Variants in CBFA2T3 observed in about 807,000 individuals in gnomAD.
CBFA2T3 encodes the protein CBFA2/RUNX1 partner transcriptional co-repressor 3.
A neutral mutation model predicts 58.6 loss-of-function variants in CBFA2T3; 31 were observed. The observed-to-expected ratio is 0.53, with a 90% CI of 0.40 to 0.71. The LOEUF is 0.71. CBFA2T3 is among the 30% of genes least tolerant of loss of function. The pLI, the probability that CBFA2T3 is intolerant of heterozygous loss-of-function variation, is 0.00. For synonymous variants in CBFA2T3, 531 were observed against 421.9 expected, an observed-to-expected ratio of 1.26 and a Z score of -3.17; for missense variants, 1,076 against 963.1, an observed-to-expected ratio of 1.12 and a Z score of -1.55.
chr16:88,890,779 T>C (rs734970), intron 5 of CBFA2T3, among the ~76,000 whole-genome samples: 40,439 of 152,058 alleles, frequency 0.27, 5,961 homozygotes, highest in East Asian at 0.55. Context: ...TGCAGTGGCG[T>C]GATCACAGCT....
chr16:88,877,089 G>A lies in CBFA2T3; in HGVS notation c.1849C>T (p.Leu617=). The part of the protein sequence containing the change: ...VPGPPEAAHS[L]GPSLPVGAAS... Reference sequence around the variant, plus strand: ...GCACCCACAGGCAGGGAGGGGCCCAGGCTGTGGGCGGCTTCGGGCGGTCCA... The same window carrying A: ...GCACCCACAGGCAGGGAGGGGCCCAAGCTGTGGGCGGCTTCGGGCGGTCCA... The change falls in exon 12 of 12, where the codon CTG becomes TTG. Residue 617 remains leucine, a synonymous_variant. Coordinates refer to ENST00000268679, the MANE Select transcript of CBFA2T3 (RefSeq NM_005187.6). 6.5e-7 allele frequency: 1 copy of A among 1,541,496 alleles called. No homozygotes were observed.
chr16:88,897,226 C>T (rs997131291), intron 3 of CBFA2T3, among the ~76,000 whole-genome samples: 9 of 152,252 alleles, frequency 5.9e-5, no homozygotes, highest in African/African-American at 1.9e-4. Flanking sequence ...GCACGCCAGG[C>T]GCGAGTGCGT....
In CBFA2T3 at chr16:88,891,980, G is replaced by T. The variant is rs769019573; in HGVS notation, c.622-9C>A. On this transcript the variant is annotated splice_polypyrimidine_tract_variant and intron_variant, in intron 4 of 11. Transcript: ENST00000268679. ...ATCGTCAATGTCGAGTTCTGCAGGG[G>T]AGAAAACCCACCTCACATCAGCACC... is the stretch of plus-strand genomic sequence containing the variant. The T allele has an allele frequency of 6.2e-7, 1 of 1,609,218 alleles. No individual in the cohort carries two copies. Among genetic ancestry groups the T allele is most frequent in the Non-Finnish European group, 8.5e-7 (1 of 1,176,612 alleles).
intron 1 of CBFA2T3, among the ~76,000 whole-genome samples, chr16:88,957,242 C>T (rs1035749783): frequency 8.5e-5 from 13 of 152,352 alleles, no homozygotes; most frequent in African/African-American, 2.9e-4. Flanking sequence ...TCTAACCTCA[C>T]AGTCTGGACA....
intron 1 of CBFA2T3, among the ~76,000 whole-genome samples, chr16:88,921,394 G>A (rs1386086480): frequency 6.6e-6 from 1 of 152,248 alleles, no homozygotes; most frequent in African/African-American, 2.4e-5. Context: ...CCCCAGCTTG[G>A]CAGGATCGGA....
intron 1 of CBFA2T3, among the ~76,000 whole-genome samples, chr16:88,955,935 C>G (rs1052557513): frequency 3.3e-5 from 5 of 149,844 alleles, no homozygotes. Context: ...GGCTCCTGAC[C>G]CCGCCCAAGG....
At chr16:88,905,120 C>G (rs1970256586) in intron 1 of CBFA2T3, among the ~76,000 whole-genome samples, 1 of 151,854 alleles carries the variant, frequency 6.6e-6, no homozygotes, top group Non-Finnish European at 1.5e-5. Context: ...GTGGAGGGAC[C>G]TGGGAAGGAG....
chr16:88,910,125 G>C (rs1970482500), intron 1 of CBFA2T3, among the ~76,000 whole-genome samples: 1 of 152,252 alleles, frequency 6.6e-6, no homozygotes, highest in African/African-American at 2.4e-5. Context: ...ACACCCGCCT[G>C]TGCTGTGCCT....
At chr16:88,884,777 A>G in intron 7 of CBFA2T3, 1 of 389,096 alleles carries the variant, frequency 2.6e-6, no homozygotes, top group Non-Finnish European at 4.6e-6. Flanking sequence ...GACTGTGGGA[A>G]TCGCCAAGCT....
intron 1 of CBFA2T3, among the ~76,000 whole-genome samples, chr16:88,948,897 G>A (rs1206913436): frequency 6.6e-6 from 1 of 152,198 alleles, no homozygotes; most frequent in Non-Finnish European, 1.5e-5. Flanking sequence ...GAAGTGTCCC[G>A]TAGGAAAAGC....
intron 2 of CBFA2T3, among the ~76,000 whole-genome samples, chr16:88,900,836 G>A (rs1234363731): frequency 6.6e-6 from 1 of 152,264 alleles, no homozygotes; most frequent in East Asian, 1.9e-4. Context: ...CTGCCCCACA[G>A]CCTCCCAGGG....
rs764181048 is a variant in CBFA2T3 at position 88,976,811 on chromosome 16, G to T, written c.-4C>A. 1 of 1,550,138 alleles carries T rather than the reference G, an allele frequency of 6.5e-7. No homozygotes were observed. Among genetic ancestry groups the T allele is most frequent in the Non-Finnish European group, 8.7e-7 (1 of 1,145,334 alleles). On this transcript the variant is annotated 5_prime_UTR_variant, in exon 1 of 12. Coordinates refer to ENST00000268679, the MANE Select transcript of CBFA2T3 (RefSeq NM_005187.6). ...CCCTCAGTCTTGAAGCCGGCATGAGGAGGGCCACCCTCAGGGGCCAACCTG... is the reference window on the plus strand; with the variant it reads ...CCCTCAGTCTTGAAGCCGGCATGAGTAGGGCCACCCTCAGGGGCCAACCTG...
rs572559450 is a variant in CBFA2T3, at chr16:88,958,179, G to A, written c.151+18478C>T. On this transcript the variant is annotated intron_variant, in intron 1 of 11. Coordinates refer to ENST00000268679, the MANE Select transcript of CBFA2T3 (RefSeq NM_005187.6). The surrounding 1 kb of genome is among the most constrained non-coding windows in gnomAD (Gnocchi z 4.0). ...CCGTAGGAAGCCTGGTCAGGCTGTC[G>A]GGGCCTCAGACGGCAGAAACCTATC... Among the ~76,000 whole-genome samples, 9 of 152,186 alleles carry A rather than the reference G, an allele frequency of 5.9e-5. No homozygotes were observed. The highest frequency in any genetic ancestry group is 5.9e-5 in the Non-Finnish European group (4 of 68,040).
intron 11 of CBFA2T3, among the ~76,000 whole-genome samples, chr16:88,878,522 C>T (rs1968927317): frequency 6.6e-6 from 1 of 152,266 alleles, no homozygotes; most frequent in Non-Finnish European, 1.5e-5. Flanking sequence ...CCGCCTGCCT[C>T]CCAGGTGCAC....
chr16:88,950,004 GA>G (rs1314937875), intron 1 of CBFA2T3, among the ~76,000 whole-genome samples: 1 of 150,070 alleles, frequency 6.7e-6, no homozygotes, highest in Non-Finnish European at 1.5e-5. Context: ...GATTCTGTCT[GA>G]AAAAAAAGAA....
Position 88,930,003 on chromosome 16 carries a change from A to G in CBFA2T3, c.152-28347T>C, listed in dbSNP as rs561173476. Reference sequence around the variant, plus strand: ...CCGCATGGTCCACGCAAAAGCTACCAATACCCACAGCTGCATCATCCACGC... The same window carrying G: ...CCGCATGGTCCACGCAAAAGCTACCGATACCCACAGCTGCATCATCCACGC... On this transcript the variant is annotated intron_variant, in intron 1 of 11. Coordinates refer to ENST00000268679, the MANE Select transcript of CBFA2T3 (RefSeq NM_005187.6). 1.5e-4 allele frequency among the ~76,000 whole-genome samples: 22 copies of G among 144,140 alleles called. 1 individual carries two copies. The highest frequency in any genetic ancestry group is 6.1e-4 in the African/African-American group (22 of 36,174). 94.6% of individuals were successfully genotyped at this position (144,140 alleles called of 152,430 possible).
At chr16:88,902,730 C>G (rs977188491) in intron 1 of CBFA2T3, among the ~76,000 whole-genome samples, 1 of 152,242 alleles carries the variant, frequency 6.6e-6, no homozygotes, top group Non-Finnish European at 1.5e-5. Flanking sequence ...CAAAGCAAGG[C>G]AGAAAGACCT....
chr16:88,952,697 TCCTGCTG>T (rs1183624184), intron 1 of CBFA2T3, among the ~76,000 whole-genome samples: 1 of 152,144 alleles, frequency 6.6e-6, no homozygotes, highest in African/African-American at 2.4e-5. Context: ...GAGTGGCCAT[TCCTGCTG>T]GGAGGCAGGA....
intron 10 of CBFA2T3, chr16:88,879,735 G>T: frequency 2.3e-6 from 1 of 434,770 alleles, no homozygotes; most frequent in Non-Finnish European, 4.2e-6. Context: ...TGCAAAGCTG[G>T]GTCACGTGGT....
Sources: allele counts gnomAD v4.1 joint callset (sites outside exome capture counted in the v4.1 genomes callset), GRCh38; gene constraint gnomAD v4.1.1; non-coding constraint Gnocchi (gnomAD v3.1); transcripts MANE v1.5; gene names NCBI Gene and HGNC (gene_info 2026-07-23, HGNC 2026-07-21).